Variants in PTPRQ observed in about 807,000 individuals in gnomAD.
PTPRQ encodes the protein protein tyrosine phosphatase receptor type Q.
PTPRQ carries 199 observed loss-of-function variants against 246.0 expected under a neutral mutation model. The observed-to-expected ratio is 0.81, with a 90% CI of 0.72 to 0.91. The LOEUF (loss-of-function observed/expected upper bound fraction) is 0.91, where lower values mean the gene tolerates loss of function less well. PTPRQ is among the 40% of genes least tolerant of loss of function. PTPRQ has a pLI of 0.00. For synonymous variants in PTPRQ, 869 were observed against 853.2 expected (o/e 1.02, Z -0.32); for missense variants, 2,624 against 2,528.4 (o/e 1.04, Z -0.81).
intron 8 of PTPRQ, among the ~76,000 whole-genome samples, chr12:80,476,693 GTT>G (rs1163821609): frequency 6.6e-6 from 1 of 152,012 alleles, no homozygotes; most frequent in African/African-American, 2.4e-5. Context: ...TTTTTCCTTT[GTT>G]CCCTTTTAAG....
intron 30 of PTPRQ, among the ~76,000 whole-genome samples, chr12:80,617,755 A>C (rs1224238576): frequency 6.6e-6 from 1 of 151,442 alleles, no homozygotes; most frequent in South Asian, 2.1e-4. Flanking sequence ...ACTAATACAC[A>C]TTATTTTATT....
At chr12:80,452,385 G>A (rs1892795015) in intron 3 of PTPRQ, among the ~76,000 whole-genome samples, 2 of 152,274 alleles carry the variant, frequency 1.3e-5, no homozygotes, top group Middle Eastern at 6.8e-3. Flanking sequence ...ATATTGTTAT[G>A]TGTGAATTTG....
Position 80,652,807 on chromosome 12 carries a change from A to G in PTPRQ, c.6088A>G (p.Lys2030Glu). 1 of 1,509,362 alleles carries G rather than the reference A, an allele frequency of 6.6e-7. No homozygotes were observed. The highest frequency in any genetic ancestry group is 1.4e-5 in the South Asian group (1 of 73,502). 93.5% of individuals were successfully genotyped at this position (1,509,362 alleles called of 1,614,324 possible). ...TGCTGATCTGCCTTGGAATAGAGCAAAAAACCGCTTCCCAAACATAAAACC... is the reference window on the plus strand; with the variant it reads ...TGCTGATCTGCCTTGGAATAGAGCAGAAAACCGCTTCCCAAACATAAAACC... ...TDADLPWNRA[K>E]NRFPNIKPYN... Residue 2030 changes from lysine to glutamate, a missense_variant, in exon 38 of 45, where the codon AAA (lysine) becomes GAA (glutamate). Lys to Glu is a moderately conservative substitution (Grantham distance 56, BLOSUM62 1). Transcript: ENST00000644991.
intron 35 of PTPRQ, among the ~76,000 whole-genome samples, chr12:80,639,356 T>C (rs1899773481): frequency 6.6e-6 from 1 of 152,226 alleles, no homozygotes; most frequent in Non-Finnish European, 1.5e-5. Flanking sequence ...ATGTCACTAA[T>C]ATTCTTACTT....
At position 80,547,392 on chromosome 12, in the gene PTPRQ, G is replaced by A. The variant is rs1238345538; in HGVS notation, c.4015+695G>A. ...TTTTTTTTTGTTTACTTCTGTCAATGTTTATTGAATGAGCAAAAGATCCCG... is the reference window on the plus strand; with the variant it reads ...TTTTTTTTTGTTTACTTCTGTCAATATTTATTGAATGAGCAAAAGATCCCG... On this transcript the variant is annotated intron_variant, in intron 24 of 44. Coordinates refer to ENST00000644991, the MANE Select transcript of PTPRQ (RefSeq NM_001145026.2). 4.0e-5 allele frequency among the ~76,000 whole-genome samples: 6 copies of A among 151,780 alleles called. No homozygotes were observed. In the East Asian group the frequency reaches 7.7e-4, roughly 20 times the overall value.
At chr12:80,556,929 A>G (rs1421993576) in intron 25 of PTPRQ, among the ~76,000 whole-genome samples, 2 of 152,128 alleles carry the variant, frequency 1.3e-5, no homozygotes, top group African/African-American at 4.8e-5. Flanking sequence ...ACTGAAGTGG[A>G]CCCCTACTTA....
intron 3 of PTPRQ, among the ~76,000 whole-genome samples, chr12:80,453,158 C>T (rs373221286): frequency 3.3e-5 from 5 of 152,254 alleles, no homozygotes; most frequent in South Asian, 2.1e-4. Flanking sequence ...TTGATCGCAT[C>T]GGCTCCTGAG....
chr12:80,565,278 C>T (rs1162986211), intron 25 of PTPRQ, among the ~76,000 whole-genome samples: 3 of 152,130 alleles, frequency 2.0e-5, no homozygotes, highest in Non-Finnish European at 2.9e-5. Flanking sequence ...CTCCTTGACC[C>T]CACTGATGCT....
intron 38 of PTPRQ, among the ~76,000 whole-genome samples, chr12:80,656,288 G>T (rs1336150141): frequency 6.6e-6 from 1 of 152,136 alleles, no homozygotes; most frequent in South Asian, 2.1e-4. Context: ...GTAAGAACAT[G>T]TATTGAGTGC....
Position 80,552,687 on chromosome 12 carries a change from A to G in PTPRQ, c.4285+2953A>G, listed in dbSNP as rs1212863491. Among the ~76,000 whole-genome samples the G allele has an allele frequency of 9.3e-4, 95 of 102,162 alleles. 1 individual carries two copies. The highest frequency in any genetic ancestry group is 5.4e-3 in the Middle Eastern group (1 of 184). The allele number at this position is 102,162 out of a possible 152,430, so 67.0% of individuals were successfully genotyped here. A position where few individuals can be genotyped will look rare whatever the true frequency, so the allele number is the denominator to read the frequency against. On this transcript the variant is annotated intron_variant, in intron 25 of 44. Coordinates refer to ENST00000644991, the MANE Select transcript of PTPRQ (RefSeq NM_001145026.2). Reference sequence around the variant, plus strand: ...TATATATATATATATATATATATATATATATATTTGGAAATTTGAATTCCG... The same window carrying G: ...TATATATATATATATATATATATATGTATATATTTGGAAATTTGAATTCCG...
intron 3 of PTPRQ, among the ~76,000 whole-genome samples, chr12:80,448,165 G>A (rs1008729000): frequency 1.3e-5 from 2 of 151,934 alleles, no homozygotes; most frequent in East Asian, 3.9e-4. Context: ...AAATGGGATT[G>A]AATTCTTGAT....
Position 80,459,443 on chromosome 12 carries a change from G to A in PTPRQ, c.620G>A (p.Arg207Lys), listed in dbSNP as rs938278021. ...SGIVVKDVSIRVEDILTGKLP... is the reference protein window; with the variant it reads ...SGIVVKDVSIKVEDILTGKLP... ...ATAGTAGTGAAAGATGTCTCAATCA[G>A]AGTAGAGGACATTTTGACTGGGAAA... The change falls in exon 5 of 45, where the codon AGA becomes AAA. Residue 207 changes from arginine to lysine, a missense_variant. Arg to Lys is a conservative substitution (Grantham distance 26). Transcript: ENST00000644991. The A allele has an allele frequency of 1.3e-5, 5 of 398,424 alleles. No homozygotes were observed. Among genetic ancestry groups the A allele is most frequent in the Non-Finnish European group, 2.2e-5 (5 of 225,948 alleles). 24.7% of individuals were successfully genotyped at this position (398,424 alleles called of 1,614,324 possible). A position where few individuals can be genotyped will look rare whatever the true frequency, so the allele number is the denominator to read the frequency against.
In PTPRQ at chr12:80,600,516, C is replaced by T. The variant is rs147207322; in HGVS notation, c.4610-4543C>T. Among the ~76,000 whole-genome samples the T allele has an allele frequency of 3.3e-4, 50 of 151,738 alleles. No individual in the cohort carries two copies. The East Asian group carries it at 5.3e-3, about 16-fold the overall frequency. On this transcript the variant is annotated intron_variant, in intron 26 of 44. Transcript: ENST00000644991. Reference sequence around the variant, plus strand: ...AGAAATTTTTCCAGATACAAGCTACCGCAGAAAAATCTCACAACTTTCTTA... The same window carrying T: ...AGAAATTTTTCCAGATACAAGCTACTGCAGAAAAATCTCACAACTTTCTTA...
At chr12:80,656,396 C>T (rs2121244417) in intron 38 of PTPRQ, among the ~76,000 whole-genome samples, 1 of 152,188 alleles carries the variant, frequency 6.6e-6, no homozygotes, top group Non-Finnish European at 1.5e-5. Context: ...AGCAGAGAAG[C>T]TTAGCAATTT....
intron 39 of PTPRQ, among the ~76,000 whole-genome samples, chr12:80,665,561 A>C (rs967116900): frequency 2.6e-5 from 4 of 151,992 alleles, no homozygotes; most frequent in Non-Finnish European, 5.9e-5. Context: ...TCATACTAAA[A>C]CCTCAAAAAC....
chr12:80,474,765 T>C lies in PTPRQ; in HGVS notation c.1186+2514T>C, dbSNP rs564999675. Among the ~76,000 whole-genome samples, 6 of 152,318 alleles carry C rather than the reference T, an allele frequency of 3.9e-5. No individual in the cohort carries two copies. The East Asian group carries it at 1.2e-3, about 29-fold the overall frequency. ...TGAGGGGTAAAAAAAATAAGCAGAC[T>C]GTGATGCTTCAATATTGTCTAACAA... On this transcript the variant is annotated intron_variant, in intron 8 of 44. Coordinates refer to ENST00000644991, the MANE Select transcript of PTPRQ (RefSeq NM_001145026.2).
In PTPRQ at chr12:80,444,818, T is replaced by C; in HGVS notation, c.132T>C (p.Pro44=). Residue 44 remains proline (P), a synonymous_variant, in exon 2 of 45, where the codon CCT becomes CCC. Transcript: ENST00000644991. ...CAATTTCTACAACATACACCTCACC[T>C]GTTACTAGAATAGTGACAACAAATG... The part of the protein sequence containing the change: ...ISSISTTYTS[P]VTRIVTTNVT... The C allele has an allele frequency of 7.2e-6, 11 of 1,535,974 alleles. No individual in the cohort carries two copies. Among genetic ancestry groups the C allele is most frequent in the Non-Finnish European group, 8.8e-6 (10 of 1,136,774 alleles).
chr12:80,663,911 C>T (rs760547064), intron 39 of PTPRQ, among the ~76,000 whole-genome samples: 3 of 151,938 alleles, frequency 2.0e-5, no homozygotes, highest in South Asian at 2.1e-4. Flanking sequence ...TTGATTCTAT[C>T]GAATTTTCCA....
intron 33 of PTPRQ, among the ~76,000 whole-genome samples, chr12:80,624,281 C>A (rs973778507): frequency 2.0e-5 from 3 of 152,162 alleles, no homozygotes; most frequent in Non-Finnish European, 2.9e-5. Context: ...GGGATAGTGA[C>A]AAGGAAGGGT....
Sources: gnomAD v4.1 joint callset for allele counts (sites outside exome capture counted in the v4.1 genomes callset) on GRCh38, gnomAD v4.1.1 for gene constraint, MANE v1.5 for transcripts, NCBI Gene and HGNC (gene_info 2026-07-23, HGNC 2026-07-21) for gene names.